Variants in C2CD4D observed in about 807,000 individuals in gnomAD.
C2CD4D encodes the protein C2 calcium-dependent domain-containing protein 4D.
In C2CD4D, 1 loss-of-function variant was observed where a neutral mutation model predicts 0.2. That is an observed-to-expected ratio of 4.00 (90% CI 1.42 to 18.99). C2CD4D has a LOEUF of 18.99. C2CD4D is among the 30% of genes most tolerant of loss of function. C2CD4D has a pLI of 0.11. For missense variants in C2CD4D, 552 were observed against 551.2 expected (o/e 1.00, Z -0.01); for synonymous variants, 269 against 279.8 (o/e 0.96, Z 0.39).
At chr1:151,838,731 C>A (rs1025898040) in exon 2 of C2CD4D, 13 of 1,335,508 alleles carry the variant, frequency 9.7e-6, no homozygotes, top group Admixed American at 3.8e-5. Flanking sequence ...CCTTCGCGGC[C>A]CGCCAGGTGA....
At chr1:151,837,915 C>A in exon 2 of C2CD4D, 1 of 1,505,648 alleles carries the variant, frequency 6.6e-7, no homozygotes, top group Non-Finnish European at 8.9e-7. Context: ...CCTGAGGAAG[C>A]CAGGGGCTCA....
rs1180356237 is a variant in C2CD4D, at chr1:151,838,365, C to A, written c.625G>T (p.Glu209Ter). The change falls in exon 2 of 2, where the codon GAG (glutamate) becomes TAG (stop). Residue 209 changes from glutamate to a stop codon, truncating the protein, a stop_gained. Transcript: ENST00000454109. LOFTEE classifies it low-confidence loss of function (END_TRUNC). ...CGGGGCCCCAGGCGCAGCACGCTCT[C>A]GCGCGTGGGCCGCAGCTGGCAGCAC... 9 of 1,428,022 alleles carry A rather than the reference C, an allele frequency of 6.3e-6. No homozygotes were observed. Among genetic ancestry groups the A allele is most frequent in the Non-Finnish European group, 8.3e-6 (9 of 1,089,388 alleles). The allele number at this position is 1,428,022 out of a possible 1,614,324, so 88.5% of individuals were successfully genotyped here.
At chr1:151,837,859 C>T in exon 2 of C2CD4D, 19 of 1,434,284 alleles carry the variant, frequency 1.3e-5, no homozygotes, top group Non-Finnish European at 1.7e-5. Context: ...TAAATACAAG[C>T]CGGGCAGGGT....
exon 2 of C2CD4D, chr1:151,838,186 G>A: frequency 6.5e-7 from 1 of 1,549,930 alleles, no homozygotes; most frequent in Non-Finnish European, 8.7e-7. Context: ...CCCGCGGCCG[G>A]ACGCGGGGCC....
exon 2 of C2CD4D, chr1:151,838,773 C>G (rs1652674820): frequency 1.5e-6 from 2 of 1,345,088 alleles, no homozygotes; most frequent in Admixed American, 4.1e-5. Context: ...AGGCCGCGCC[C>G]CGCCACGTGC....
chr1:151,838,441 C>T (rs1379488019), exon 2 of C2CD4D: 7 of 1,413,502 alleles, frequency 5.0e-6, no homozygotes, highest in Middle Eastern at 2.0e-4. Flanking sequence ...CGCGGCGCGG[C>T]GAGTGCGGGC....
In C2CD4D at chr1:151,838,521, C is replaced by T. The variant is rs1369510223; in HGVS notation, c.469G>A (p.Gly157Ser). Residue 157 changes from glycine to serine, a missense_variant, in exon 2 of 2, where the codon GGC (glycine) becomes AGC (serine). By Grantham distance (56) the Gly-to-Ser change is moderately conservative. Transcript: ENST00000454109. ...CTGGACACCCGGCGCCGGCCCAGGCCTGGCCGCGGGGAGCCGAAGGGCGAC... is the reference window on the plus strand; with the variant it reads ...CTGGACACCCGGCGCCGGCCCAGGCTTGGCCGCGGGGAGCCGAAGGGCGAC... 2.2e-6 allele frequency: 3 copies of T among 1,353,292 alleles called. No homozygotes were observed. Among genetic ancestry groups the T allele is most frequent in the Non-Finnish European group, 2.8e-6 (3 of 1,057,176 alleles). 83.8% of individuals were successfully genotyped at this position (1,353,292 alleles called of 1,614,324 possible). A position where few individuals can be genotyped will look rare whatever the true frequency, so the allele number is the denominator to read the frequency against.
At chr1:151,839,887 C>G (rs966296671) in intron 1 of C2CD4D, among the ~76,000 whole-genome samples, 67 bp from the exon 1 acceptor site, 1 of 152,220 alleles carries the variant, frequency 6.6e-6, no homozygotes, top group Non-Finnish European at 1.5e-5. Context: ...TCGGAAACCA[C>G]CGAGCACAAA....
exon 2 of C2CD4D, chr1:151,838,528 C>T: frequency 3.7e-6 from 5 of 1,343,470 alleles, no homozygotes; most frequent in Non-Finnish European, 1.9e-6. Flanking sequence ...GGCCTGGCCG[C>T]GGGGAGCCGA....
intron 1 of C2CD4D, among the ~76,000 whole-genome samples, 62 bp downstream of exon 1, chr1:151,839,602 A>C (rs1248029424): frequency 6.6e-6 from 1 of 151,650 alleles, no homozygotes; most frequent in Non-Finnish European, 1.5e-5. Flanking sequence ...TCCTAGCCCC[A>C]CCTGCCTCCT....
chr1:151,838,523 G>A, exon 2 of C2CD4D: 2 of 1,349,106 alleles, frequency 1.5e-6, no homozygotes, highest in African/African-American at 1.5e-5. Flanking sequence ...GCCCAGGCCT[G>A]GCCGCGGGGA....
exon 2 of C2CD4D, chr1:151,838,529 G>A: frequency 7.4e-7 from 1 of 1,345,236 alleles, no homozygotes; most frequent in Non-Finnish European, 9.5e-7. Flanking sequence ...GCCTGGCCGC[G>A]GGGAGCCGAA....
exon 2 of C2CD4D, chr1:151,838,433 C>A: frequency 7.0e-7 from 1 of 1,420,318 alleles, no homozygotes; most frequent in Non-Finnish European, 9.2e-7. Flanking sequence ...CGGCCCGGCG[C>A]GGCGCGGCGA....
exon 2 of C2CD4D, chr1:151,838,416 G>C (rs1296789169): frequency 8.4e-6 from 12 of 1,430,854 alleles, no homozygotes; most frequent in Non-Finnish European, 1.1e-5. Flanking sequence ...AAGAGCGGCG[G>C]CGTGGGCGGC....
Position 151,838,128 on chromosome 1 carries a change from C to A in C2CD4D, c.862G>T (p.Glu288Ter). 6.4e-7 allele frequency: 1 copy of A among 1,551,278 alleles called. No homozygotes were observed. Among genetic ancestry groups the A allele is most frequent in the African/African-American group, 1.4e-5 (1 of 73,164 alleles). ...CCGAGCCCGTCGAAAAAGAAATCCT[C>A]GTTGAAGATGGGGTTGGCGCTGCAC... is the stretch of plus-strand genomic sequence containing the variant. The change falls in exon 2 of 2, where the codon GAG becomes TAG. Residue 288 changes from glutamate to a stop codon, truncating the protein, a stop_gained. Coordinates refer to ENST00000454109, the Ensembl canonical transcript of C2CD4D. LOFTEE classifies it low-confidence loss of function (END_TRUNC).
chr1:151,839,715 C>G (rs1041869780), intron 1 of C2CD4D, among the ~76,000 whole-genome samples: 2 of 152,144 alleles, frequency 1.3e-5, no homozygotes, highest in Admixed American at 1.3e-4. Context: ...TCAGGACACC[C>G]TGGGCTGGTC....
At chr1:151,839,519 G>A (rs1304169206) in intron 1 of C2CD4D, among the ~76,000 whole-genome samples, 145 bp downstream of exon 1, 1 of 152,094 alleles carries the variant, frequency 6.6e-6, no homozygotes, top group African/African-American at 2.4e-5. Context: ...GATCCAGTCT[G>A]GCGCCCCTTG....
At chr1:151,838,428 C>T (rs1336214541) in exon 2 of C2CD4D, 3 of 1,419,418 alleles carry the variant, frequency 2.1e-6, no homozygotes, top group Non-Finnish European at 1.8e-6. Flanking sequence ...GTGGGCGGCC[C>T]GGCGCGGCGC....
chr1:151,839,132 G>C, exon 2 of C2CD4D: 2 of 933,882 alleles, frequency 2.1e-6, no homozygotes, highest in South Asian at 3.8e-5. Flanking sequence ...TACACCGGGC[G>C]GTCAGCCACC....
Sources: allele counts gnomAD v4.1 joint callset (sites outside exome capture counted in the v4.1 genomes callset), GRCh38; gene constraint gnomAD v4.1.1; transcripts MANE v1.5; gene names NCBI Gene and HGNC (gene_info 2026-07-23, HGNC 2026-07-21).